IGF1R: variants seen among roughly 807,000 people sequenced by gnomAD.
The protein encoded by IGF1R is insulin like growth factor 1 receptor.
In IGF1R, 44 loss-of-function variants were observed where a neutral mutation model predicts 144.6. The ratio of observed to expected loss-of-function variants is 0.30; its 90% CI spans 0.24 to 0.39. The LOEUF (loss-of-function observed/expected upper bound fraction) is 0.39, where lower values mean the gene tolerates loss of function less well. Ranked by LOEUF, IGF1R falls within the 10% of genes least tolerant of loss-of-function variation. The pLI is 1.00. For synonymous variants in IGF1R, 795 were observed against 722.8 expected (o/e 1.10, Z -1.60); for missense variants, 1,355 against 1,833.7 (o/e 0.74, Z 4.77).
At position 98,899,568 on chromosome 15, in the gene IGF1R, C is replaced by CT. The variant is rs761946744; in HGVS notation, c.1196dup (p.Leu399PhefsTer71). On this transcript the variant is annotated frameshift_variant, in exon 5 of 21. Coordinates refer to ENST00000650285, the MANE Select transcript of IGF1R (RefSeq NM_000875.5). LOFTEE classifies it high-confidence loss of function. ...TCCGCCATTCTCATGCCTTGGTCTC[C>CT]TTGTCCTTCCTAAAAAACCTTCGCC... 1 of 1,614,178 alleles carries CT rather than the reference C, an allele frequency of 6.2e-7. No homozygotes were observed. Among genetic ancestry groups the CT allele is most frequent in the Non-Finnish European group, 8.5e-7 (1 of 1,180,030 alleles).
At position 98,960,970 on chromosome 15, in the gene IGF1R, TCC is replaced by T. The variant is rs1342163528; in HGVS notation, c.*3531_*3532del. 2 of 233,640 alleles carry T rather than the reference TCC, an allele frequency of 8.6e-6. No individual in the cohort carries two copies. The highest frequency in any genetic ancestry group is 4.4e-5 in the African/African-American group (2 of 45,330). The allele number at this position is 233,640 out of a possible 1,614,324, so 14.5% of individuals were successfully genotyped here. The stretch of plus-strand genomic sequence containing the variant: ...GCTGCTCACAGGACAGACGGCTCGC[TCC>T]CCTCTTCCAGCAGCTGCTCTTACAG... On this transcript the variant is annotated 3_prime_UTR_variant, in exon 21 of 21. Transcript: ENST00000650285.
chr15:98,842,505 G>A (rs2011191845), intron 2 of IGF1R, among the ~76,000 whole-genome samples: 1 of 152,226 alleles, frequency 6.6e-6, no homozygotes, highest in Non-Finnish European at 1.5e-5. Flanking sequence ...GCAGAATAAT[G>A]AAATGCAGAG....
intron 1 of IGF1R, among the ~76,000 whole-genome samples, chr15:98,665,036 C>T (rs985583564): frequency 2.0e-5 from 3 of 149,716 alleles, no homozygotes; most frequent in Non-Finnish European, 3.0e-5. Flanking sequence ...TGGCTCACTG[C>T]AAGCTCCACC....
intron 2 of IGF1R, among the ~76,000 whole-genome samples, chr15:98,889,305 T>A (rs1169260632): frequency 6.6e-6 from 1 of 152,182 alleles, no homozygotes; most frequent in Non-Finnish European, 1.5e-5. Flanking sequence ...ATGTCCAAGT[T>A]CTGATATCTG....
chr15:98,648,794 G>GCGCCT lies in IGF1R; in HGVS notation c.-780_-776dup, dbSNP rs2052256989. ...TCCCGCGCGGGGGCAGCTCCACGGC[G>GCGCCT]CGCCTCGCCTCGGCTGTGACCTTCA... On this transcript the variant is annotated 5_prime_UTR_variant, in exon 1 of 21. Transcript: ENST00000650285. 6.9e-6 allele frequency among the ~76,000 whole-genome samples: 1 copy of GCGCCT among 144,538 alleles called. No individual in the cohort carries two copies. Among genetic ancestry groups the GCGCCT allele is most frequent in the Admixed American group, 6.8e-5 (1 of 14,684 alleles). 94.8% of individuals were successfully genotyped at this position (144,538 alleles called of 152,430 possible). A position where few individuals can be genotyped will look rare whatever the true frequency, so the allele number is the denominator to read the frequency against.
At position 98,958,360 on chromosome 15, in the gene IGF1R, A is replaced by T. The variant is rs1005121538; in HGVS notation, c.*918A>T. 5.5e-6 allele frequency: 1 copy of T among 181,432 alleles called. No homozygotes were observed. Among genetic ancestry groups the T allele is most frequent in the African/African-American group, 2.5e-5 (1 of 39,740 alleles). The allele number at this position is 181,432 out of a possible 1,614,324, so 11.2% of individuals were successfully genotyped here. ...CATGGGCCCCGAAGCAGCCTGGCGG[A>T]CAGGCTTGGAGTCAAGGGGCCCCAT... is the stretch of plus-strand genomic sequence containing the variant. On this transcript the variant is annotated 3_prime_UTR_variant, in exon 21 of 21. Coordinates refer to ENST00000650285, the MANE Select transcript of IGF1R (RefSeq NM_000875.5).
chr15:98,941,844 C>G (rs1281188935), intron 18 of IGF1R, among the ~76,000 whole-genome samples: 1 of 152,176 alleles, frequency 6.6e-6, no homozygotes, highest in Admixed American at 6.5e-5. Flanking sequence ...TAAAGTGGAG[C>G]AGCCCTTTCT....
At chr15:98,770,121 G>T (rs2055546776) in intron 2 of IGF1R, among the ~76,000 whole-genome samples, 1 of 152,106 alleles carries the variant, frequency 6.6e-6, no homozygotes, top group Non-Finnish European at 1.5e-5. Flanking sequence ...GATCTAAATT[G>T]GGATTCTTTC....
chr15:98,876,470 C>T (rs2013067378), intron 2 of IGF1R, among the ~76,000 whole-genome samples: 1 of 152,136 alleles, frequency 6.6e-6, no homozygotes, highest in Non-Finnish European at 1.5e-5. Context: ...TTTAGCACTT[C>T]TAATGCATTC....
chr15:98,747,714 A>G (rs909939936), intron 2 of IGF1R, among the ~76,000 whole-genome samples: 1 of 152,150 alleles, frequency 6.6e-6, no homozygotes, highest in Non-Finnish European at 1.5e-5. Context: ...TGGTGGGTTG[A>G]CACTCTGTGG....
At chr15:98,937,175 T>C (rs1176566889) in intron 17 of IGF1R, among the ~76,000 whole-genome samples, 1 of 152,210 alleles carries the variant, frequency 6.6e-6, no homozygotes, top group Non-Finnish European at 1.5e-5. Context: ...TGTGAGCCGC[T>C]GCGCCTGGCC....
chr15:98,836,678 A>G (rs2057109753), intron 2 of IGF1R, among the ~76,000 whole-genome samples: 1 of 152,262 alleles, frequency 6.6e-6, no homozygotes, highest in Admixed American at 6.5e-5. Context: ...TTTCCCACTA[A>G]TATCCTTTTT....
intron 2 of IGF1R, chr15:98,784,393 C>T (rs2055938152): frequency 6.5e-6 from 1 of 153,642 alleles, no homozygotes; most frequent in Non-Finnish European, 1.5e-5. Flanking sequence ...TTTCTTTTTA[C>T]TGCTAGAAAG....
intron 1 of IGF1R, among the ~76,000 whole-genome samples, chr15:98,688,414 CTG>C (rs10528336): frequency 0.15 from 21,633 of 143,292 alleles, 1,628 homozygotes; most frequent in Non-Finnish European, 0.17. Flanking sequence ...CAACACACAC[CTG>C]TGTGTGTGTG....
chr15:98,748,263 T>C (rs1250261962), intron 2 of IGF1R, among the ~76,000 whole-genome samples: 1 of 152,166 alleles, frequency 6.6e-6, no homozygotes, highest in African/African-American at 2.4e-5. Flanking sequence ...AACACCTGGG[T>C]TCAAGGGATC....
chr15:98,880,543 A>G (rs2013319321), intron 2 of IGF1R: 1 of 152,280 alleles, frequency 6.6e-6, no homozygotes. Flanking sequence ...TGTCCCAGAC[A>G]GTGAGAATCT....
rs569720089 is a variant in IGF1R at position 98,852,107 on chromosome 15, A to G, written c.641-39218A>G. Among the ~76,000 whole-genome samples the G allele has an allele frequency of 5.9e-5, 9 of 152,340 alleles. No homozygotes were observed. The South Asian group carries it at 1.9e-3, about 32-fold the overall frequency. On this transcript the variant is annotated intron_variant, in intron 2 of 20. Coordinates refer to ENST00000650285, the MANE Select transcript of IGF1R (RefSeq NM_000875.5). Reference sequence around the variant, plus strand: ...TGCCATTCTCTTTGGAGACTTTCTAAAACCTAAGACGAAGAAGAGGAGCCG... The same window carrying G: ...TGCCATTCTCTTTGGAGACTTTCTAGAACCTAAGACGAAGAAGAGGAGCCG...
intron 2 of IGF1R, among the ~76,000 whole-genome samples, chr15:98,739,475 T>C (rs1596253964): frequency 6.6e-6 from 1 of 152,308 alleles, no homozygotes; most frequent in South Asian, 2.1e-4. Context: ...TTATGTCTTT[T>C]GATACCAAAT....
chr15:98,753,380 C>CTTTTTTTTTTTTTTT lies in IGF1R; in HGVS notation c.640+45283_640+45297dup, dbSNP rs1173073572. ...CACAAGTATGCACCACCATACCTGG[C>CTTTTTTTTTTTTTTT]TTTTTTTTTTTTTTTTTTTTTTTTG... On this transcript the variant is annotated intron_variant, in intron 2 of 20. Coordinates refer to ENST00000650285, the MANE Select transcript of IGF1R (RefSeq NM_000875.5). 3.2e-3 allele frequency among the ~76,000 whole-genome samples: 195 copies of CTTTTTTTTTTTTTTT among 60,294 alleles called. 1 individual carries two copies. Among genetic ancestry groups the CTTTTTTTTTTTTTTT allele is most frequent in the East Asian group, 3.9e-3 (7 of 1,782 alleles). 39.6% of individuals were successfully genotyped at this position (60,294 alleles called of 152,430 possible).
Sources: allele counts gnomAD v4.1 joint callset (sites outside exome capture counted in the v4.1 genomes callset), GRCh38; gene constraint gnomAD v4.1.1; transcripts MANE v1.5; gene names NCBI Gene and HGNC (gene_info 2026-07-23, HGNC 2026-07-21).